Variants in AK1 observed in about 807,000 individuals in gnomAD.
The protein encoded by AK1 is adenylate kinase 1.
AK1 carries 13 observed loss-of-function variants against 23.9 expected under a neutral mutation model. The observed-to-expected ratio is 0.54, with a 90% CI of 0.35 to 0.86. The LOEUF is 0.86. AK1 is among the 40% of genes least tolerant of loss of function. AK1 has a pLI of 0.01. For synonymous variants in AK1, 97 were observed against 102.8 expected (o/e 0.94, Z 0.34); for missense variants, 214 against 255.1 (o/e 0.84, Z 1.10).
Position 127,871,004 on chromosome 9 carries a change from C to CGA in AK1, c.324+817_324+818dup, listed in dbSNP as rs1158807098. Among the ~76,000 whole-genome samples, 1 of 151,786 alleles carries CGA rather than the reference C, an allele frequency of 6.6e-6. No individual in the cohort carries two copies. Among genetic ancestry groups the CGA allele is most frequent in the African/African-American group, 2.4e-5 (1 of 41,032 alleles). On this transcript the variant is annotated intron_variant, in intron 5 of 6. Coordinates refer to ENST00000644144, the MANE Select transcript of AK1 (RefSeq NM_000476.3). The surrounding 1 kb of genome is among the most constrained non-coding windows in gnomAD (Gnocchi z 4.4). ...ATGTGTGTGCACAGGGCCATGTGTG[C>CGA]GAGCACGTGTGCATTCCTGCATATG...
Position 127,868,167 on chromosome 9 carries a change from C to A in AK1, c.517-91G>T. On this transcript the variant is annotated intron_variant, in intron 6 of 6. Coordinates refer to ENST00000644144, the MANE Select transcript of AK1 (RefSeq NM_000476.3). The surrounding 1 kb of genome is among the most constrained non-coding windows in gnomAD (Gnocchi z 4.1). ...GCCCCAGAGACCAGGCCTGCCTCCCCGAGCCCAACCTAATTGACAGCAGCC... is the reference window on the plus strand; with the variant it reads ...GCCCCAGAGACCAGGCCTGCCTCCCAGAGCCCAACCTAATTGACAGCAGCC... 6.6e-7 allele frequency: 1 copy of A among 1,509,412 alleles called. No homozygotes were observed. Among genetic ancestry groups the A allele is most frequent in the South Asian group, 1.1e-5 (1 of 87,724 alleles). The allele number at this position is 1,509,412 out of a possible 1,614,324, so 93.5% of individuals were successfully genotyped here.
Position 127,868,539 on chromosome 9 carries a change from AC to A in AK1, c.325-28del. 1 of 1,558,880 alleles carries A rather than the reference AC, an allele frequency of 6.4e-7. No homozygotes were observed. The highest frequency in any genetic ancestry group is 8.7e-7 in the Non-Finnish European group (1 of 1,151,814). On this transcript the variant is annotated intron_variant, in intron 5 of 6. Coordinates refer to ENST00000644144, the MANE Select transcript of AK1 (RefSeq NM_000476.3). This position sits in a 1 kb window ranked among gnomAD's most constrained non-coding sequence, Gnocchi z 4.1. ...TGCAGGCGGGCACCATGTCACAGGG[AC>A]CCCATTCCTGCCCCCTAGGGCCATC...
intron 2 of AK1, 82 bp downstream of exon 2, chr9:127,874,529 A>G (rs1829493052): frequency 6.2e-7 from 1 of 1,611,168 alleles, no homozygotes; most frequent in Non-Finnish European, 8.5e-7. Context: ...CCCCTCCCAG[A>G]ATGTCTCCCT....
intron 5 of AK1, among the ~76,000 whole-genome samples, chr9:127,869,204 C>T (rs1181679803): frequency 6.6e-6 from 1 of 152,178 alleles, no homozygotes; most frequent in African/African-American, 2.4e-5. Context: ...TTCTGCAGCC[C>T]CTGCCTCGCT....
In AK1 at chr9:127,867,693, C is replaced by G; in HGVS notation, c.*315G>C. The G allele has an allele frequency of 2.6e-6, 1 of 385,928 alleles. No individual in the cohort carries two copies. Among genetic ancestry groups the G allele is most frequent in the Admixed American group, 3.7e-5 (1 of 26,698 alleles). 23.9% of individuals were successfully genotyped at this position (385,928 alleles called of 1,614,324 possible). On this transcript the variant is annotated 3_prime_UTR_variant, in exon 7 of 7. Transcript: ENST00000644144. ...GCCCTGTGCGAGGAAGGGCCCCGGG[C>G]CTCCCACCAGAGCTAGAGGAGGGGT... is the stretch of plus-strand genomic sequence containing the variant.
At chr9:127,876,039 CAT>C (rs1373389069) in intron 1 of AK1, among the ~76,000 whole-genome samples, 7 of 152,334 alleles carry the variant, frequency 4.6e-5, no homozygotes, top group African/African-American at 1.7e-4. Context: ...GGCCCCTTGA[CAT>C]AGTGGATAGG....
At position 127,868,346 on chromosome 9, in the gene AK1, T is replaced by A; in HGVS notation, c.491A>T (p.Tyr164Phe). The A allele has an allele frequency of 2.5e-6, 4 of 1,604,376 alleles. No individual in the cohort carries two copies. Among genetic ancestry groups the A allele is most frequent in the Non-Finnish European group, 3.4e-6 (4 of 1,175,540 alleles). ...YKATEPVIAF[Y>F]EKRGIVRKVN... ...CTTGCGCACAATGCCACGTTTCTCA[T>A]AGAAGGCGATGACAGGTTCTGTGGC... The change falls in exon 6 of 7, where the codon TAT (tyrosine) becomes TTT (phenylalanine). Residue 164 changes from tyrosine (Y) to phenylalanine (F), a missense_variant. Transcript: ENST00000644144. This position sits in a 1 kb window ranked among gnomAD's most constrained non-coding sequence, Gnocchi z 4.1.
At chr9:127,875,931 C>T (rs979884420) in intron 1 of AK1, among the ~76,000 whole-genome samples, 3 of 152,228 alleles carry the variant, frequency 2.0e-5, no homozygotes, top group African/African-American at 4.8e-5. Context: ...CACCCTGCCA[C>T]GCAATTTGCA....
intron 5 of AK1, among the ~76,000 whole-genome samples, chr9:127,869,140 A>G (rs1829324601): frequency 6.6e-6 from 1 of 152,176 alleles, no homozygotes; most frequent in Non-Finnish European, 1.5e-5. Context: ...TCATTGGAAC[A>G]GCATGTCATC....
In AK1 at chr9:127,867,708, A is replaced by C; in HGVS notation, c.*300T>G. 5.1e-6 allele frequency: 2 copies of C among 391,216 alleles called. No individual in the cohort carries two copies. The highest frequency in any genetic ancestry group is 5.8e-5 in the East Asian group (1 of 17,372). The allele number at this position is 391,216 out of a possible 1,614,324, so 24.2% of individuals were successfully genotyped here. On this transcript the variant is annotated 3_prime_UTR_variant, in exon 7 of 7. Transcript: ENST00000644144. ...GGGCCCCGGGCCTCCCACCAGAGCT[A>C]GAGGAGGGGTGGCTGGCAAAGGGAG...
chr9:127,869,852 C>T (rs974092119), intron 5 of AK1, among the ~76,000 whole-genome samples: 37 of 152,338 alleles, frequency 2.4e-4, no homozygotes, highest in Non-Finnish European at 4.4e-4. Flanking sequence ...CAGGACCAAG[C>T]ACAGTAGGCT....
intron 2 of AK1, 85 bp from the exon 3 acceptor site, chr9:127,873,146 G>T: frequency 6.4e-7 from 1 of 1,565,380 alleles, no homozygotes; most frequent in Non-Finnish European, 8.6e-7. Flanking sequence ...GCCTGTGCTG[G>T]GCCCCAGGCG....
upstream of AK1, among the ~76,000 whole-genome samples, chr9:127,878,718 G>A (rs1829589866): frequency 6.6e-6 from 1 of 152,194 alleles, no homozygotes; most frequent in African/African-American, 2.4e-5. Flanking sequence ...AGCAACCACA[G>A]CAGCCAGGAG....
At position 127,867,814 on chromosome 9, in the gene AK1, G is replaced by A; in HGVS notation, c.*194C>T. 1 of 597,844 alleles carries A rather than the reference G, an allele frequency of 1.7e-6. No homozygotes were observed. Among genetic ancestry groups the A allele is most frequent in the Admixed American group, 2.8e-5 (1 of 35,386 alleles). The allele number at this position is 597,844 out of a possible 1,614,324, so 37.0% of individuals were successfully genotyped here. On this transcript the variant is annotated 3_prime_UTR_variant, in exon 7 of 7. Transcript: ENST00000644144. ...GCACATGAATCAACTCCAACTGGAA[G>A]CAGAGAAAAAGCAGTAAAACCAAAT... is the stretch of plus-strand genomic sequence containing the variant.
rs1430289491 is a variant in AK1 at position 127,868,001 on chromosome 9, A to G, written c.*7T>C. 6.2e-7 allele frequency: 1 copy of G among 1,614,022 alleles called. No homozygotes were observed. Among genetic ancestry groups the G allele is most frequent in the Admixed American group, 1.7e-5 (1 of 60,008 alleles). On this transcript the variant is annotated 3_prime_UTR_variant, in exon 7 of 7. Transcript: ENST00000644144. This position sits in a 1 kb window ranked among gnomAD's most constrained non-coding sequence, Gnocchi z 4.1. ...GGCTCTGAGCTGGGGAAGCGGCTCC[A>G]GCGTTGCTACTTTAGGGCGTCCAGG...
rs755673410 is a variant in AK1, at chr9:127,872,758, C to T, written c.139G>A (p.Val47Ile). 1.9e-6 allele frequency: 3 copies of T among 1,614,172 alleles called. No individual in the cohort carries two copies. The highest frequency in any genetic ancestry group is 2.5e-6 in the Non-Finnish European group (3 of 1,180,030). The change falls in exon 4 of 7, where the codon GTC becomes ATC. Residue 47 changes from valine to isoleucine, a missense_variant. Transcript: ENST00000644144. ...TTGCCCCTGGCCGAGCCTGAGCTGA[C>T]CTCGGACCGCAGGAGGTCCCCGGTG... ...LSTGDLLRSE[V>I]SSGSARGKKL...
intron 2 of AK1, chr9:127,874,373 G>T: frequency 1.0e-6 from 1 of 985,390 alleles, no homozygotes; most frequent in South Asian, 4.7e-5. Context: ...AGCATAGGGG[G>T]TGTGCGCTGG....
At chr9:127,874,545 C>T (rs781316723) in intron 2 of AK1, 66 bp downstream of exon 2, 24 of 1,611,852 alleles carry the variant, frequency 1.5e-5, no homozygotes, top group South Asian at 1.1e-4. Flanking sequence ...TCCCTGAGAG[C>T]GCACCCCCTT....
chr9:127,870,816 A>AATGGGGCATGGGAATGGGGCATGGGG (rs1305492847), intron 5 of AK1, among the ~76,000 whole-genome samples: 5 of 17,060 alleles, frequency 2.9e-4, no homozygotes, highest in Middle Eastern at 0.033. Context: ...GGGGCATGGG[A>AATGGGGCATGGGAATGGGGCATGGGG]ATGGGGCATG....
Sources: allele counts gnomAD v4.1 joint callset (sites outside exome capture counted in the v4.1 genomes callset), GRCh38; gene constraint gnomAD v4.1.1; non-coding constraint Gnocchi (gnomAD v3.1); transcripts MANE v1.5; gene names NCBI Gene and HGNC (gene_info 2026-07-23, HGNC 2026-07-21).